TFEC: variants seen among roughly 807,000 people sequenced by gnomAD.
The protein encoded by TFEC is transcription factor EC.
A neutral mutation model predicts 41.6 loss-of-function variants in TFEC; 31 were observed. The ratio of observed to expected loss-of-function variants is 0.74; its 90% CI spans 0.56 to 1.01. The LOEUF (loss-of-function observed/expected upper bound fraction) is 1.01. Among genes scored for constraint, TFEC ranks in the 50% least tolerant of loss-of-function variants. The probability of loss-of-function intolerance (pLI) is 0.00; values close to 1 mark genes in which losing one functional copy is unlikely to be tolerated. For synonymous variants in TFEC, 143 were observed against 140.6 expected (o/e 1.02, Z -0.12); for missense variants, 402 against 404.1 (o/e 0.99, Z 0.04).
chr7:116,049,102 A>C (rs534661010), intron 3 of TFEC, among the ~76,000 whole-genome samples: 1 of 152,334 alleles, frequency 6.6e-6, no homozygotes, highest in East Asian at 1.9e-4. Flanking sequence ...CTAACATCAT[A>C]ATGACAGGAT....
chr7:116,027,591 T>C (rs1245471622), intron 1 of TFEC, among the ~76,000 whole-genome samples: 1 of 152,004 alleles, frequency 6.6e-6, no homozygotes, highest in African/African-American at 2.4e-5. Flanking sequence ...AGTGAGACCC[T>C]GTCTCAAAAA....
At chr7:116,062,225 CTTTTTTTTTTTTTTT>C (rs569480964) in intron 3 of TFEC, among the ~76,000 whole-genome samples, 1 of 51,900 alleles carries the variant, frequency 1.9e-5, no homozygotes, top group East Asian at 8.6e-4. Flanking sequence ...CATGCCTGGC[CTTTTTTTTTTTTTTT>C]TTTTTTTTTT....
intron 3 of TFEC, among the ~76,000 whole-genome samples, chr7:115,965,766 T>C (rs1792814982): frequency 6.6e-6 from 1 of 151,552 alleles, no homozygotes; most frequent in African/African-American, 2.4e-5. Context: ...CCTCTGAAAA[T>C]GTTCATATAT....
chr7:116,038,791 G>C (rs1795967987), intron 3 of TFEC, among the ~76,000 whole-genome samples: 1 of 151,930 alleles, frequency 6.6e-6, no homozygotes, highest in African/African-American at 2.4e-5. Flanking sequence ...AGGATATGCT[G>C]GTGTAACAAA....
intron 3 of TFEC, among the ~76,000 whole-genome samples, chr7:116,052,401 GA>G (rs1796331834): frequency 6.6e-6 from 1 of 152,064 alleles, no homozygotes; most frequent in African/African-American, 2.4e-5. Context: ...AAAAAGAAAA[GA>G]AACAAAAATA....
At chr7:115,947,387 C>T (rs1355085166) in intron 6 of TFEC, among the ~76,000 whole-genome samples, 1 of 151,082 alleles carries the variant, frequency 6.6e-6, no homozygotes, top group Non-Finnish European at 1.5e-5. Context: ...CATACGTGTG[C>T]ATGTGTCTTT....
intron 1 of TFEC, among the ~76,000 whole-genome samples, chr7:115,991,887 A>C (rs1794133994): frequency 6.6e-6 from 1 of 152,230 alleles, no homozygotes; most frequent in South Asian, 2.1e-4. Flanking sequence ...TCTCCACCTT[A>C]AATCAACAGA....
At chr7:116,089,799 A>G (rs947789579) in intron 3 of TFEC, among the ~76,000 whole-genome samples, 4 of 152,140 alleles carry the variant, frequency 2.6e-5, no homozygotes, top group African/African-American at 9.7e-5. Context: ...ACCACTAGCT[A>G]TGGGGGAAGG....
intron 3 of TFEC, among the ~76,000 whole-genome samples, chr7:116,039,976 A>T (rs1243204306): frequency 6.6e-6 from 1 of 152,136 alleles, no homozygotes. Flanking sequence ...CTTGTTCCTC[A>T]AGTAAGACAG....
At chr7:116,042,507 A>G (rs1019106913) in intron 3 of TFEC, among the ~76,000 whole-genome samples, 3 of 152,230 alleles carry the variant, frequency 2.0e-5, no homozygotes, top group Non-Finnish European at 4.4e-5. Flanking sequence ...TGCAATTAAA[A>G]TGGACAAATT....
intron 1 of TFEC, among the ~76,000 whole-genome samples, chr7:116,125,599 T>C (rs184618073): frequency 2.8e-3 from 422 of 152,246 alleles, no homozygotes; most frequent in South Asian, 7.3e-3. Context: ...TGGCGGAATG[T>C]ATGGTAGTGA....
intron 2 of TFEC, among the ~76,000 whole-genome samples, chr7:115,979,568 T>C (rs1793532820): frequency 6.6e-6 from 1 of 152,194 alleles, no homozygotes; most frequent in South Asian, 2.1e-4. Flanking sequence ...AATGAAATCT[T>C]ATTGACCGTT....
chr7:115,967,279 G>T (rs1040211334), intron 3 of TFEC, among the ~76,000 whole-genome samples: 1 of 151,630 alleles, frequency 6.6e-6, no homozygotes. Flanking sequence ...AACTGAGGCA[G>T]TATTTTGAGT....
chr7:116,042,607 A>C (rs955972946), intron 3 of TFEC, among the ~76,000 whole-genome samples: 5 of 152,220 alleles, frequency 3.3e-5, no homozygotes, highest in Non-Finnish European at 4.4e-5. Context: ...ATGACTTTTT[A>C]TTAACCATAA....
At chr7:116,041,891 C>A (rs1238949066) in intron 3 of TFEC, among the ~76,000 whole-genome samples, 1 of 152,108 alleles carries the variant, frequency 6.6e-6, no homozygotes, top group Non-Finnish European at 1.5e-5. Context: ...GCATGATCAG[C>A]CAGTTCCCAA....
chr7:116,136,320 A>T (rs1259551521), intron 1 of TFEC, among the ~76,000 whole-genome samples: 3 of 152,040 alleles, frequency 2.0e-5, no homozygotes, highest in East Asian at 3.8e-4. Context: ...ATATTAATTA[A>T]AGTTACATAA....
intron 3 of TFEC, among the ~76,000 whole-genome samples, chr7:116,107,311 C>T (rs542318359): frequency 6.6e-6 from 1 of 152,172 alleles, no homozygotes; most frequent in Non-Finnish European, 1.5e-5. Flanking sequence ...AAAGCGAACA[C>T]CTGACTTCTA....
chr7:116,083,593 T>G (rs1797138546), intron 3 of TFEC, among the ~76,000 whole-genome samples: 1 of 151,940 alleles, frequency 6.6e-6, no homozygotes, highest in African/African-American at 2.4e-5. Context: ...ACGTCCTGGG[T>G]CAATAATTCA....
chr7:116,030,065 C>CA (rs1205540228), intron 1 of TFEC, among the ~76,000 whole-genome samples: 1 of 151,788 alleles, frequency 6.6e-6, no homozygotes, highest in African/African-American at 2.4e-5. Context: ...GACTCCATCT[C>CA]AAAAAAAGGT....
Sources: allele counts gnomAD v4.1 joint callset (sites outside exome capture counted in the v4.1 genomes callset), GRCh38; gene constraint gnomAD v4.1.1; transcripts MANE v1.5; gene names NCBI Gene and HGNC (gene_info 2026-07-23, HGNC 2026-07-21).